The following PKN3 variants were observed in gnomAD, a reference collection of about 807,000 sequenced individuals.
The protein encoded by PKN3 is serine/threonine-protein kinase N3.
In PKN3, 91 loss-of-function variants were observed where a neutral mutation model predicts 113.1. The ratio of observed to expected loss-of-function variants is 0.80; its 90% CI spans 0.68 to 0.96. PKN3 has a LOEUF of 0.96. PKN3 is among the 40% of genes least tolerant of loss of function. The pLI is 0.00. For synonymous variants in PKN3, 467 were observed against 499.0 expected, an observed-to-expected ratio of 0.94 and a Z score of 0.85; for missense variants, 1,052 against 1,202.2, an observed-to-expected ratio of 0.88 and a Z score of 1.85.
In PKN3 at chr9:128,719,959, A is replaced by C. The variant is rs143005041; in HGVS notation, c.2318A>C (p.Asn773Thr). Residue 773 changes from asparagine (N) to threonine (T), a missense_variant, in exon 20 of 22, where the codon AAC becomes ACC. Coordinates refer to ENST00000291906, the MANE Select transcript of PKN3 (RefSeq NM_013355.5). ...TEEEVFDCIVNMDAPYPGFLS... is the reference protein window; with the variant it reads ...TEEEVFDCIVTMDAPYPGFLS... ...GAAGAGGTGTTTGACTGCATCGTCA[A>C]CATGGACGCCCCCTACCCCGGCTTT... 69 of 1,614,000 alleles carry C rather than the reference A, an allele frequency of 4.3e-5. No homozygotes were observed. The highest frequency in any genetic ancestry group is 6.7e-5 in the Admixed American group (4 of 60,002).
chr9:128,702,694 T>TGGGGCGCGGGACCTCGGGCGTG lies in PKN3; in HGVS notation c.-218_-197dup, dbSNP rs1207677050. On this transcript the variant is annotated 5_prime_UTR_variant, in exon 1 of 22. An upstream open reading frame in the 5' UTR loses its in-frame stop. Coordinates refer to ENST00000291906, the MANE Select transcript of PKN3 (RefSeq NM_013355.5). Reference sequence around the variant, plus strand: ...GGAATTTTGGATCCGAGGGAGGCGCTGGGGCGCGGGACCTCGGGCGTGGGG... The same window carrying TGGGGCGCGGGACCTCGGGCGTG: ...GGAATTTTGGATCCGAGGGAGGCGCTGGGGCGCGGGACCTCGGGCGTGGGGGCGCGGGACCTCGGGCGTGGGG... 2 of 465,902 alleles carry TGGGGCGCGGGACCTCGGGCGTG rather than the reference T, an allele frequency of 4.3e-6. No homozygotes were observed. Among genetic ancestry groups the TGGGGCGCGGGACCTCGGGCGTG allele is most frequent in the African/African-American group, 4.2e-5 (2 of 48,192 alleles). The allele number at this position is 465,902 out of a possible 1,614,324, so 28.9% of individuals were successfully genotyped here. A position where few individuals can be genotyped will look rare whatever the true frequency, so the allele number is the denominator to read the frequency against.
At position 128,720,576 on chromosome 9, in the gene PKN3, C is replaced by T. The variant is rs144000779; in HGVS notation, c.2640C>T (p.Asp880=). The change falls in exon 22 of 22, where the codon GAC becomes GAT. Residue 880 remains aspartate, a synonymous_variant. Transcript: ENST00000291906. The surrounding 1 kb of genome is among the most constrained non-coding windows in gnomAD (Gnocchi z 5.5). ...AACAGGCCGCCTTCCGGGACTTCGACTTTGTGTCAGAGCGATTCCTGGAAC... is the reference window on the plus strand; with the variant it reads ...AACAGGCCGCCTTCCGGGACTTCGATTTTGTGTCAGAGCGATTCCTGGAAC... The part of the protein sequence containing the change: ...ARQQAAFRDF[D]FVSERFLEP The T allele has an allele frequency of 2.3e-4, 372 of 1,613,282 alleles. 2 individuals are homozygous for T. The highest frequency in any genetic ancestry group is 3.0e-4 in the Non-Finnish European group (353 of 1,180,000).
Position 128,707,090 on chromosome 9 carries a change from G to A in PKN3, c.651+67G>A. On this transcript the variant is annotated intron_variant, in intron 5 of 21. Coordinates refer to ENST00000291906, the MANE Select transcript of PKN3 (RefSeq NM_013355.5). ...CCCATACCACCCTCAGCAGGGGTGTGAAGGGAGGGTGGCCGTGTAAAAGCA... is the reference window on the plus strand; with the variant it reads ...CCCATACCACCCTCAGCAGGGGTGTAAAGGGAGGGTGGCCGTGTAAAAGCA... The A allele has an allele frequency of 5.0e-6, 8 of 1,603,592 alleles. No individual in the cohort carries two copies. In the South Asian group the frequency reaches 8.8e-5, roughly 18 times the overall value.
Position 128,707,299 on chromosome 9 carries a change from G to A in PKN3, c.729G>A (p.Leu243=), listed in dbSNP as rs142711079. 51 of 1,613,720 alleles carry A rather than the reference G, an allele frequency of 3.2e-5. No homozygotes were observed. The African/African-American group carries it at 5.5e-4, about 17-fold the overall frequency. The change falls in exon 6 of 22, where the codon CTG becomes CTA. Residue 243 remains leucine, a synonymous_variant. Transcript: ENST00000291906. ...CCTTGGAGCAGCTGCTGGAGCAACT[G>A]CCTCCTGCCCACCCTTTGCGCAGCA... The part of the protein sequence containing the change: ...RLALEQLLEQ[L]PPAHPLRSRV...
chr9:128,713,220 G>A (rs375774014), intron 7 of PKN3, 22 bp downstream of exon 7: 1 of 1,609,556 alleles, frequency 6.2e-7, no homozygotes, highest in African/African-American at 1.3e-5. Context: ...AGGAGCTTCA[G>A]GGGGAGCAGG....
Position 128,715,606 on chromosome 9 carries a change from T to C in PKN3, c.1808+146T>C. 1.6e-6 allele frequency: 1 copy of C among 619,594 alleles called. No homozygotes were observed. 38.4% of individuals were successfully genotyped at this position (619,594 alleles called of 1,614,324 possible). On this transcript the variant is annotated intron_variant, in intron 15 of 21. Coordinates refer to ENST00000291906, the MANE Select transcript of PKN3 (RefSeq NM_013355.5). The surrounding 1 kb of genome is among the most constrained non-coding windows in gnomAD (Gnocchi z 4.1). ...TCTTTTGGCACCTGCAGTTGTTAAC[T>C]GTGTTTCCTTGGGCAGGTCCCCTCT...
chr9:128,713,753 G>A (rs1290267300), intron 9 of PKN3, 111 bp downstream of exon 9: 8 of 1,152,944 alleles, frequency 6.9e-6, no homozygotes, highest in Non-Finnish European at 2.5e-6. Context: ...GACCAGAGAG[G>A]AGGGCTCCAG....
rs188039845 is a variant in PKN3, at chr9:128,719,324, C to T, written c.2126-362C>T. Among the ~76,000 whole-genome samples the T allele has an allele frequency of 5.6e-4, 85 of 151,194 alleles. No individual in the cohort carries two copies. In the Middle Eastern group the frequency reaches 0.017, roughly 30 times the overall value. On this transcript the variant is annotated intron_variant, in intron 18 of 21. Transcript: ENST00000291906. ...CCTGCCTCAGCCTCCCGAGTACCTGCGATTACAGGCACATGCCACCACACC... is the reference window on the plus strand; with the variant it reads ...CCTGCCTCAGCCTCCCGAGTACCTGTGATTACAGGCACATGCCACCACACC...
In PKN3 at chr9:128,718,357, A is replaced by G; in HGVS notation, c.2018A>G (p.Gln673Arg). Residue 673 changes from glutamine to arginine, a missense_variant, in exon 17 of 22, where the codon CAG (glutamine) becomes CGG (arginine). By Grantham distance (43) the Gln-to-Arg change is conservative. Coordinates refer to ENST00000291906, the MANE Select transcript of PKN3 (RefSeq NM_013355.5). ...GTGGCTTGTGTTGTCCTGGGGCTGCAGTTCTTACACGAGAAGAAGATCATT... is the reference window on the plus strand; with the variant it reads ...GTGGCTTGTGTTGTCCTGGGGCTGCGGTTCTTACACGAGAAGAAGATCATT... ...FYVACVVLGL[Q>R]FLHEKKIIYR... The G allele has an allele frequency of 1.4e-6, 2 of 1,466,526 alleles. No homozygotes were observed. The highest frequency in any genetic ancestry group is 1.8e-6 in the Non-Finnish European group (2 of 1,086,914). 90.8% of individuals were successfully genotyped at this position (1,466,526 alleles called of 1,614,324 possible). A position where few individuals can be genotyped will look rare whatever the true frequency, so the allele number is the denominator to read the frequency against.
At chr9:128,703,157 G>A (rs1861905154) in intron 1 of PKN3, among the ~76,000 whole-genome samples, 1 of 152,172 alleles carries the variant, frequency 6.6e-6, no homozygotes, top group Admixed American at 6.5e-5. Context: ...AAATCAGTCC[G>A]CGGCTGACCC....
chr9:128,716,661 C>T, intron 15 of PKN3, 86 bp from the exon 16 acceptor site: 3 of 1,067,806 alleles, frequency 2.8e-6, no homozygotes, highest in Non-Finnish European at 4.1e-6. Flanking sequence ...GCTGAGGGCC[C>T]AGTGAGCCAG....
Position 128,720,125 on chromosome 9 carries a change from C to G in PKN3, c.2377-78C>G. On this transcript the variant is annotated intron_variant, in intron 20 of 21. Coordinates refer to ENST00000291906, the MANE Select transcript of PKN3 (RefSeq NM_013355.5). This position sits in a 1 kb window ranked among gnomAD's most constrained non-coding sequence, Gnocchi z 5.5. ...CCACCCATCCTTAGAGCGCTCTGGGCCAGCGTGCTTGGGGCCTGTGGATGA... is the reference window on the plus strand; with the variant it reads ...CCACCCATCCTTAGAGCGCTCTGGGGCAGCGTGCTTGGGGCCTGTGGATGA... 3 of 1,544,080 alleles carry G rather than the reference C, an allele frequency of 1.9e-6. No homozygotes were observed. Among genetic ancestry groups the G allele is most frequent in the Non-Finnish European group, 2.7e-6 (3 of 1,120,550 alleles).
At position 128,720,693 on chromosome 9, in the gene PKN3, GGCCTT is replaced by G; in HGVS notation, c.*90_*94del. The stretch of plus-strand genomic sequence containing the variant: ...CCCGTGCGCCCTGCCTGGAGGTCCA[GGCCTT>G]GCTGGGTACTTCTGAGCCCTTGGGA... On this transcript the variant is annotated 3_prime_UTR_variant, in exon 22 of 22. Transcript: ENST00000291906. The surrounding 1 kb of genome is among the most constrained non-coding windows in gnomAD (Gnocchi z 5.5). The G allele has an allele frequency of 6.9e-6, 8 of 1,157,714 alleles. No individual in the cohort carries two copies. The highest frequency in any genetic ancestry group is 1.5e-5 in the African/African-American group (1 of 65,756). The allele number at this position is 1,157,714 out of a possible 1,614,324, so 71.7% of individuals were successfully genotyped here.
chr9:128,703,226 C>G (rs528781777), intron 1 of PKN3, among the ~76,000 whole-genome samples: 1 of 152,346 alleles, frequency 6.6e-6, no homozygotes, highest in East Asian at 1.9e-4. Flanking sequence ...GTGTGCGCCA[C>G]CAGGGTGGTC....
Position 128,705,402 on chromosome 9 carries a change from C to G in PKN3, c.124C>G (p.Arg42Gly). The change falls in exon 2 of 22, where the codon CGC becomes GGC. Residue 42 changes from arginine to glycine, a missense_variant. This residue lies in a region of PKN3 where 719 missense variants were observed against 759.4 expected (regional missense o/e 0.95). Coordinates refer to ENST00000291906, the MANE Select transcript of PKN3 (RefSeq NM_013355.5). Reference protein sequence around the residue: ...KIKEGVENLRRVATDRRHLGH... With the variant: ...KIKEGVENLRGVATDRRHLGH... ...CAAGGAGGGGGTGGAGAACCTGCGG[C>G]GCGTGGCCACAGACCGCCGCCACTT... 1 of 1,596,840 alleles carries G rather than the reference C, an allele frequency of 6.3e-7. No homozygotes were observed. Among genetic ancestry groups the G allele is most frequent in the Non-Finnish European group, 8.5e-7 (1 of 1,172,262 alleles).
Position 128,715,053 on chromosome 9 carries a change from CT to C in PKN3, c.1653-114del. The C allele has an allele frequency of 8.5e-7, 1 of 1,178,118 alleles. No homozygotes were observed. Among genetic ancestry groups the C allele is most frequent in the African/African-American group, 1.5e-5 (1 of 66,208 alleles). The allele number at this position is 1,178,118 out of a possible 1,614,324, so 73.0% of individuals were successfully genotyped here. On this transcript the variant is annotated intron_variant, in intron 13 of 21. Coordinates refer to ENST00000291906, the MANE Select transcript of PKN3 (RefSeq NM_013355.5). The surrounding 1 kb of genome is among the most constrained non-coding windows in gnomAD (Gnocchi z 4.1). ...GCTTCTAGGAGTCCTTACTGCAGGG[CT>C]TTTTCGAGCCCATAGGTCGGGACAG...
rs910902323 is a variant in PKN3, at chr9:128,705,235, C to A, written c.25-68C>A. On this transcript the variant is annotated intron_variant, in intron 1 of 21. Coordinates refer to ENST00000291906, the MANE Select transcript of PKN3 (RefSeq NM_013355.5). ...TTCCTTCGCCTCCATCTGCAGTGAG[C>A]AAAGGCTGCTGGTGGCCGCTGCACC... 1.1e-5 allele frequency: 17 copies of A among 1,537,254 alleles called. No individual in the cohort carries two copies. The African/African-American group carries it at 2.2e-4, about 20-fold the overall frequency.
chr9:128,705,609 C>T, intron 2 of PKN3, 66 bp downstream of exon 2: 1 of 1,543,214 alleles, frequency 6.5e-7, no homozygotes, highest in Non-Finnish European at 8.7e-7. Flanking sequence ...CTGGCCTTGG[C>T]CCTGGCCACT....
rs762564753 is a variant in PKN3 at position 128,718,896 on chromosome 9, TGGTTTG to T, written c.2125+272_2125+277del. On this transcript the variant is annotated intron_variant, in intron 18 of 21. Coordinates refer to ENST00000291906, the MANE Select transcript of PKN3 (RefSeq NM_013355.5). ...TGAGTTCTGCCTTCTGTTTTTTTTT[TGGTTTG>T]TTTTTTTTTTTGAGACGGAGTCTTG... Among the ~76,000 whole-genome samples the T allele has an allele frequency of 2.7e-4, 29 of 106,850 alleles. 4 individuals are homozygous for T. Among genetic ancestry groups the T allele is most frequent in the African/African-American group, 5.6e-4 (18 of 32,346 alleles). The allele number at this position is 106,850 out of a possible 152,430, so 70.1% of individuals were successfully genotyped here. A position where few individuals can be genotyped will look rare whatever the true frequency, so the allele number is the denominator to read the frequency against.
Sources: gnomAD v4.1 joint callset for allele counts (sites outside exome capture counted in the v4.1 genomes callset) on GRCh38, gnomAD v4.1.1 for gene constraint, gnomAD v4.1.1 regional missense constraint, Gnocchi (gnomAD v3.1) non-coding constraint, MANE v1.5 for transcripts, NCBI Gene and HGNC (gene_info 2026-07-23, HGNC 2026-07-21) for gene names.